PPP1R3A: variants seen among roughly 807,000 people sequenced by gnomAD.
PPP1R3A encodes the protein RG1.
A neutral mutation model predicts 41.7 loss-of-function variants in PPP1R3A; 29 were observed. That is an observed-to-expected ratio of 0.70 (90% CI 0.52 to 0.95). The LOEUF (loss-of-function observed/expected upper bound fraction) is 0.95. PPP1R3A is among the 40% of genes least tolerant of loss of function. PPP1R3A has a pLI of 0.00. For synonymous variants in PPP1R3A, 485 were observed against 453.4 expected (o/e 1.07, Z -0.89); for missense variants, 1,352 against 1,292.4 (o/e 1.05, Z -0.71).
rs536084008 is a variant in PPP1R3A at position 113,879,422 on chromosome 7, G to A, written c.1670C>T (p.Ala557Val). ...CAGAGTAGCCAGGTCTCTGTTACTA[G>A]CTCCAATCCCTGCCACACTTATTTT... ...NPKISVAGIG[A>V]SNRDLATLLS... The change falls in exon 4 of 4, where the codon GCT (alanine) becomes GTT (valine). Residue 557 changes from alanine (A) to valine (V), a missense_variant. Coordinates refer to ENST00000284601, the MANE Select transcript of PPP1R3A (RefSeq NM_002711.4). 7.4e-6 allele frequency: 12 copies of A among 1,613,504 alleles called. No individual in the cohort carries two copies. The South Asian group carries it at 1.3e-4, about 18-fold the overall frequency.
chr7:113,918,742 T>C lies in PPP1R3A; in HGVS notation c.255A>G (p.Leu85=). The C allele has an allele frequency of 6.2e-7, 1 of 1,613,908 alleles. No individual in the cohort carries two copies. Among genetic ancestry groups the C allele is most frequent in the Non-Finnish European group, 8.5e-7 (1 of 1,179,886 alleles). ...AGTCAAAAGTGGTTGAAGCACTCGG[T>C]AATTCCCAGCAATCAAATTCTTTAA... ...VSVKEFDCWE[L]PSASTTFDLG... The change falls in exon 1 of 4, where the codon TTA becomes TTG. Residue 85 remains leucine, a synonymous_variant. Transcript: ENST00000284601.
In PPP1R3A at chr7:113,878,985, A is replaced by T. The variant is rs775568201; in HGVS notation, c.2107T>A (p.Phe703Ile). The change falls in exon 4 of 4, where the codon TTT becomes ATT. Residue 703 changes from phenylalanine to isoleucine, a missense_variant. Coordinates refer to ENST00000284601, the MANE Select transcript of PPP1R3A (RefSeq NM_002711.4). The stretch of plus-strand genomic sequence containing the variant: ...CAGCACACTGTTTCTTGGCAGGTAA[A>T]CAATTCTTCTGTAGTAGCTTTCAAA... ...RSLKATTEEL[F>I]TCQETVCCEL... 1.2e-6 allele frequency: 2 copies of T among 1,613,274 alleles called. No homozygotes were observed. The highest frequency in any genetic ancestry group is 2.7e-5 in the African/African-American group (2 of 74,860).
At chr7:113,914,108 A>C (rs1797299914) in intron 1 of PPP1R3A, among the ~76,000 whole-genome samples, 1 of 152,200 alleles carries the variant, frequency 6.6e-6, no homozygotes, top group African/African-American at 2.4e-5. Flanking sequence ...TTAGCTGAAC[A>C]AGATTTGATA....
chr7:113,887,239 T>C (rs1013710279), intron 1 of PPP1R3A, among the ~76,000 whole-genome samples: 3 of 152,074 alleles, frequency 2.0e-5, no homozygotes, highest in African/African-American at 7.2e-5. Context: ...TTAAGCATAA[T>C]TTTAAAATCA....
chr7:113,907,762 A>T (rs1212430205), intron 1 of PPP1R3A, among the ~76,000 whole-genome samples: 1 of 151,874 alleles, frequency 6.6e-6, no homozygotes, highest in East Asian at 1.9e-4. Context: ...GTTTGAAAAA[A>T]ATAGACCGTA....
In PPP1R3A at chr7:113,915,831, G is replaced by A. The variant is rs1405288299; in HGVS notation, c.782+2384C>T. On this transcript the variant is annotated intron_variant, in intron 1 of 3. Transcript: ENST00000284601. ...AGTACACATTTTGTAAAATAACACC[G>A]ATAAGGTGTGCTATTTTTCTCTAAC... Among the ~76,000 whole-genome samples the A allele has an allele frequency of 5.3e-5, 8 of 151,818 alleles. No homozygotes were observed. The East Asian group carries it at 1.2e-3, about 22-fold the overall frequency.
In PPP1R3A at chr7:113,880,076, C is replaced by G; in HGVS notation, c.1016G>C (p.Arg339Thr). 3.1e-6 allele frequency: 5 copies of G among 1,609,076 alleles called. No homozygotes were observed. The highest frequency in any genetic ancestry group is 4.3e-6 in the Non-Finnish European group (5 of 1,175,942). The change falls in exon 4 of 4, where the codon AGG becomes ACG. Residue 339 changes from arginine to threonine, a missense_variant. By Grantham distance (71) the Arg-to-Thr change is moderately conservative (BLOSUM62 -1). Coordinates refer to ENST00000284601, the MANE Select transcript of PPP1R3A (RefSeq NM_002711.4). Reference protein sequence around the residue: ...RTRSTASRDERNTFSTDPVNF... With the variant: ...RTRSTASRDETNTFSTDPVNF... ...GACTGGATCTGTTGAAAATGTATTC[C>G]TTTCATCTCTGGAAGCAGTACTTCT...
At chr7:113,916,536 A>G (rs1425657214) in intron 1 of PPP1R3A, among the ~76,000 whole-genome samples, 2 of 152,050 alleles carry the variant, frequency 1.3e-5, no homozygotes, top group South Asian at 2.1e-4. Flanking sequence ...TTCAGCAGGT[A>G]TTGCTTGAAT....
At chr7:113,916,347 T>A (rs1378135750) in intron 1 of PPP1R3A, among the ~76,000 whole-genome samples, 1 of 152,076 alleles carries the variant, frequency 6.6e-6, no homozygotes, top group Non-Finnish European at 1.5e-5. Context: ...TGATTACTGT[T>A]CTGAATACAA....
At chr7:113,906,774 AATACTT>A (rs1797155835) in intron 1 of PPP1R3A, among the ~76,000 whole-genome samples, 1 of 151,808 alleles carries the variant, frequency 6.6e-6, no homozygotes, top group South Asian at 2.1e-4. Flanking sequence ...CATGGGGACT[AATACTT>A]AGACTAATAC....
intron 3 of PPP1R3A, 108 bp from the exon 4 acceptor site, chr7:113,880,233 T>G: frequency 9.9e-7 from 1 of 1,008,160 alleles, no homozygotes; most frequent in South Asian, 1.7e-5. Context: ...GGTAGATTTC[T>G]TTGACTGATT....
At chr7:113,909,676 GA>G (rs1797210995) in intron 1 of PPP1R3A, among the ~76,000 whole-genome samples, 1 of 151,984 alleles carries the variant, frequency 6.6e-6, no homozygotes, top group African/African-American at 2.4e-5. Flanking sequence ...GACCTCAAGG[GA>G]AAAACAAAGT....
intron 1 of PPP1R3A, among the ~76,000 whole-genome samples, chr7:113,891,806 G>A (rs1472843586): frequency 1.3e-5 from 2 of 151,940 alleles, no homozygotes; most frequent in African/African-American, 4.8e-5. Flanking sequence ...TAATGCCATT[G>A]TGCTAAAACC....
intron 1 of PPP1R3A, among the ~76,000 whole-genome samples, chr7:113,887,421 C>A (rs1174946528): frequency 1.3e-5 from 2 of 151,668 alleles, no homozygotes; most frequent in African/African-American, 2.4e-5. Context: ...CACTGAGAAA[C>A]TGAAAATAAA....
At chr7:113,881,197 G>A (rs1037653787) in intron 3 of PPP1R3A, among the ~76,000 whole-genome samples, 3 of 152,012 alleles carry the variant, frequency 2.0e-5, no homozygotes, top group Non-Finnish European at 2.9e-5. Context: ...ATGCAGCTCC[G>A]CGATCACTAT....
chr7:113,903,023 T>C (rs1797090837), intron 1 of PPP1R3A, among the ~76,000 whole-genome samples: 1 of 151,764 alleles, frequency 6.6e-6, no homozygotes, highest in South Asian at 2.1e-4. Flanking sequence ...GTTTTGCTGC[T>C]GATATTTGTA....
intron 1 of PPP1R3A, among the ~76,000 whole-genome samples, chr7:113,884,842 A>G (rs981892941): frequency 3.9e-5 from 6 of 152,076 alleles, no homozygotes; most frequent in Non-Finnish European, 7.4e-5. Flanking sequence ...TCAACAAGAA[A>G]GTACAAACAA....
At chr7:113,891,277 A>G (rs1796883685) in intron 1 of PPP1R3A, among the ~76,000 whole-genome samples, 1 of 152,000 alleles carries the variant, frequency 6.6e-6, no homozygotes, top group African/African-American at 2.4e-5. Context: ...ATAGTTTCCA[A>G]CACATGAAAG....
rs1584810104 is a variant in PPP1R3A at position 113,879,323 on chromosome 7, C to A, written c.1769G>T (p.Ser590Ile). 6.2e-7 allele frequency: 1 copy of A among 1,613,586 alleles called. No individual in the cohort carries two copies. The change falls in exon 4 of 4, where the codon AGT becomes ATT. Residue 590 changes from serine (S) to isoleucine (I), a missense_variant. Ser to Ile is a moderately radical substitution (Grantham distance 142). Transcript: ENST00000284601. ...TGGGGTTAACACAGCTTCTTCCCAA[C>A]TTAAATTTGTCCTTGGTGAATGAGA... ...DVSHSPRTNL[S>I]WEEAVLTPEH...
Sources: gnomAD v4.1 joint callset for allele counts (sites outside exome capture counted in the v4.1 genomes callset) on GRCh38, gnomAD v4.1.1 for gene constraint, MANE v1.5 for transcripts, NCBI Gene and HGNC (gene_info 2026-07-23, HGNC 2026-07-21) for gene names.